Variants in GRB2 observed in about 807,000 individuals in gnomAD.
The protein encoded by GRB2 is growth factor receptor-bound protein 2.
GRB2 carries 2 observed loss-of-function variants against 27.4 expected under a neutral mutation model. That is an observed-to-expected ratio of 0.07 (90% CI 0.03 to 0.23). GRB2 has a LOEUF of 0.23. Ranked by LOEUF, GRB2 falls within the 10% of genes least tolerant of loss-of-function variation. The pLI is 1.00. For missense variants in GRB2, 102 were observed against 282.4 expected, an observed-to-expected ratio of 0.36 and a Z score of 4.58; for synonymous variants, 94 against 99.6, an observed-to-expected ratio of 0.94 and a Z score of 0.33.
rs552096896 is a variant in GRB2, at chr17:75,350,969, A to C, written c.79-18172T>G. Among the ~76,000 whole-genome samples, 9 of 152,312 alleles carry C rather than the reference A, an allele frequency of 5.9e-5. No homozygotes were observed. The East Asian group carries it at 1.5e-3, about 26-fold the overall frequency. On this transcript the variant is annotated intron_variant, in intron 2 of 5. Transcript: ENST00000316804. ...ATAGTCTAGGGGAGACCAGGGACAG[A>C]GAACTGAGCCCGACTGTGCAGGGCA... is the stretch of plus-strand genomic sequence containing the variant.
chr17:75,385,146 TAGG>T (rs1366718027), intron 2 of GRB2, among the ~76,000 whole-genome samples: 3 of 150,674 alleles, frequency 2.0e-5, no homozygotes, highest in Non-Finnish European at 4.4e-5. Context: ...GAGGCTGAAG[TAGG>T]AGGATTCCTT....
chr17:75,342,323 A>G (rs781370778), intron 2 of GRB2, among the ~76,000 whole-genome samples: 4 of 152,168 alleles, frequency 2.6e-5, no homozygotes, highest in Non-Finnish European at 4.4e-5. Context: ...GGTATCTAGC[A>G]TATTTTGGGG....
intron 2 of GRB2, among the ~76,000 whole-genome samples, chr17:75,353,578 G>A (rs941230562): frequency 3.3e-5 from 5 of 151,686 alleles, no homozygotes; most frequent in African/African-American, 7.3e-5. Flanking sequence ...CTGACAACAC[G>A]GTGAAACCCC....
chr17:75,335,140 G>A (rs571405240), intron 2 of GRB2, among the ~76,000 whole-genome samples: 4 of 152,214 alleles, frequency 2.6e-5, no homozygotes, highest in African/African-American at 7.2e-5. Flanking sequence ...GCAACTGGCC[G>A]CAGGTAAGGG....
At chr17:75,355,900 G>A (rs2078729738) in intron 2 of GRB2, among the ~76,000 whole-genome samples, 3 of 148,090 alleles carry the variant, frequency 2.0e-5, no homozygotes, top group East Asian at 3.9e-4. Flanking sequence ...GCGTGATCTC[G>A]GCTTACTGCA....
chr17:75,388,248 G>A (rs1245827004), intron 2 of GRB2, among the ~76,000 whole-genome samples: 3 of 151,740 alleles, frequency 2.0e-5, no homozygotes, highest in Non-Finnish European at 2.9e-5. Flanking sequence ...AGGTACGCAC[G>A]CGCACCACCG....
At chr17:75,388,678 C>A (rs1022987368) in intron 2 of GRB2, among the ~76,000 whole-genome samples, 7 of 151,352 alleles carry the variant, frequency 4.6e-5, no homozygotes, top group Non-Finnish European at 8.8e-5. Flanking sequence ...TGGGCTCAAG[C>A]AATCTTCCTC....
chr17:75,343,105 G>A (rs2078632559), intron 2 of GRB2, among the ~76,000 whole-genome samples: 1 of 151,618 alleles, frequency 6.6e-6, no homozygotes, highest in Admixed American at 6.6e-5. Flanking sequence ...GGGTAGAGCA[G>A]GGAACTTTCA....
chr17:75,381,903 G>C (rs931358557), intron 2 of GRB2, among the ~76,000 whole-genome samples: 1 of 151,666 alleles, frequency 6.6e-6, no homozygotes, highest in Non-Finnish European at 1.5e-5. Flanking sequence ...TTTTTCAAAA[G>C]AAAAATGTTA....
chr17:75,373,831 A>C (rs777373234), intron 2 of GRB2: 4 of 116,676 alleles, frequency 3.4e-5, no homozygotes, highest in Non-Finnish European at 6.6e-5. Flanking sequence ...TTTTTGAGAC[A>C]GAGTCTCGCT....
rs369673730 is a variant in GRB2, at chr17:75,393,658, G to A, written c.-30C>T. On this transcript the variant is annotated 5_prime_UTR_variant, in exon 2 of 6. Transcript: ENST00000316804. ...AGCGCTGCTCAGTGCTCAGCAGCCT[G>A]AAGCAGGGGGAAGGGAGTCTTCCCT... The A allele has an allele frequency of 1.6e-5, 25 of 1,574,608 alleles. No homozygotes were observed. The highest frequency in any genetic ancestry group is 2.7e-5 in the African/African-American group (2 of 74,176).
chr17:75,339,825 C>T (rs1343275817), intron 2 of GRB2, among the ~76,000 whole-genome samples: 3 of 152,046 alleles, frequency 2.0e-5, no homozygotes, highest in Non-Finnish European at 2.9e-5. Flanking sequence ...GATGGAGTTT[C>T]GCCATGTTGG....
intron 2 of GRB2, among the ~76,000 whole-genome samples, chr17:75,361,326 C>A (rs55670130): frequency 6.6e-6 from 1 of 152,146 alleles, no homozygotes; most frequent in Non-Finnish European, 1.5e-5. Context: ...AACTAAACTA[C>A]AGAGTGGCAA....
intron 2 of GRB2, among the ~76,000 whole-genome samples, chr17:75,385,577 A>G (rs974871066): frequency 6.6e-5 from 10 of 152,172 alleles, no homozygotes; most frequent in African/African-American, 2.4e-4. Flanking sequence ...AAAAGAACAA[A>G]AGAACATAAA....
intron 2 of GRB2, among the ~76,000 whole-genome samples, chr17:75,366,292 T>A (rs2078818971): frequency 6.6e-6 from 1 of 152,140 alleles, no homozygotes. Context: ...TAGGCTAGTA[T>A]AACACATTCT....
At chr17:75,379,103 G>A (rs1454436110) in intron 2 of GRB2, among the ~76,000 whole-genome samples, 1 of 152,008 alleles carries the variant, frequency 6.6e-6, no homozygotes, top group Non-Finnish European at 1.5e-5. Flanking sequence ...TTTGAATATG[G>A]TTTCATTGTT....
chr17:75,343,082 A>G (rs1598227161), intron 2 of GRB2, among the ~76,000 whole-genome samples: 16 of 116,416 alleles, frequency 1.4e-4, no homozygotes, highest in South Asian at 3.2e-4. Context: ...ATTGGGAAGG[A>G]GTGGGGGTGG....
Position 75,319,981 on chromosome 17 carries a change from A to T in GRB2, c.*387T>A, listed in dbSNP as rs1167835342. 6.0e-6 allele frequency: 1 copy of T among 167,958 alleles called. No individual in the cohort carries two copies. Among genetic ancestry groups the T allele is most frequent in the African/African-American group, 2.4e-5 (1 of 41,800 alleles). The allele number at this position is 167,958 out of a possible 1,614,324, so 10.4% of individuals were successfully genotyped here. ...CTTTCAGTCATTCCAACTAAAACAGACATTTTGCATAGAGAGAATACCAGC... is the reference window on the plus strand; with the variant it reads ...CTTTCAGTCATTCCAACTAAAACAGTCATTTTGCATAGAGAGAATACCAGC... On this transcript the variant is annotated 3_prime_UTR_variant, in exon 6 of 6. Coordinates refer to ENST00000316804, the MANE Select transcript of GRB2 (RefSeq NM_002086.5).
chr17:75,368,250 CTG>C (rs997997106), intron 2 of GRB2, among the ~76,000 whole-genome samples: 2 of 141,966 alleles, frequency 1.4e-5, no homozygotes, highest in Non-Finnish European at 3.0e-5. Flanking sequence ...GTCTCTCACT[CTG>C]TCACCCAGGC....
Sources: gnomAD v4.1 joint callset for allele counts (sites outside exome capture counted in the v4.1 genomes callset) on GRCh38, gnomAD v4.1.1 for gene constraint, MANE v1.5 for transcripts, NCBI Gene and HGNC (gene_info 2026-07-23, HGNC 2026-07-21) for gene names.